NELL1: variants seen among roughly 807,000 people sequenced by gnomAD.
NELL1 encodes the protein neural EGFL like 1.
NELL1 carries 76 observed loss-of-function variants against 107.4 expected under a neutral mutation model. That is an observed-to-expected ratio of 0.71 (90% CI 0.59 to 0.86). NELL1 has a LOEUF of 0.86. Among genes scored for constraint, NELL1 ranks in the 40% least tolerant of loss-of-function variants. The pLI, the probability that NELL1 is intolerant of heterozygous loss-of-function variation, is 0.00. For synonymous variants in NELL1, 353 were observed against 341.2 expected (o/e 1.03, Z -0.38); for missense variants, 1,024 against 1,005.5 (o/e 1.02, Z -0.25).
chr11:20,827,356 A>G (rs975695477), intron 3 of NELL1, among the ~76,000 whole-genome samples: 14 of 151,098 alleles, frequency 9.3e-5, no homozygotes, highest in Admixed American at 6.0e-4. Flanking sequence ...GCTTGGAGGG[A>G]TTTTCAAGGC....
In NELL1 at chr11:20,976,432, T is replaced by C. The variant is rs375881621; in HGVS notation, c.1300+15872T>C. On this transcript the variant is annotated intron_variant, in intron 12 of 19. Coordinates refer to ENST00000357134, the MANE Select transcript of NELL1 (RefSeq NM_006157.5). ...GGGCTTTGTGATTCTCCACTGTCAC[T>C]GAGTATTGAATGCCTCTTGTTGAAA... 3.3e-5 allele frequency among the ~76,000 whole-genome samples: 5 copies of C among 152,312 alleles called. No individual in the cohort carries two copies. The East Asian group carries it at 9.7e-4, about 29-fold the overall frequency.
chr11:20,841,005 T>G (rs979278119), intron 3 of NELL1, among the ~76,000 whole-genome samples: 14 of 152,200 alleles, frequency 9.2e-5, no homozygotes, highest in African/African-American at 3.4e-4. Context: ...CACTTCTTCT[T>G]TTTGCCTTTC....
At chr11:20,908,215 G>A (rs185818125) in intron 5 of NELL1, among the ~76,000 whole-genome samples, 136 of 152,204 alleles carry the variant, frequency 8.9e-4, no homozygotes, top group African/African-American at 3.1e-3. Flanking sequence ...TATAGCCAAA[G>A]GAATATAAGT....
At chr11:21,467,382 T>C (rs1268597101) in intron 15 of NELL1, among the ~76,000 whole-genome samples, 2 of 152,142 alleles carry the variant, frequency 1.3e-5, no homozygotes, top group African/African-American at 4.8e-5. Flanking sequence ...GTGGCTCTAA[T>C]ACAATTATAT....
chr11:21,370,784 T>C, intron 14 of NELL1, 69 bp from the exon 15 acceptor site: 1 of 1,198,232 alleles, frequency 8.3e-7, no homozygotes, highest in Non-Finnish European at 1.2e-6. Flanking sequence ...GCTTCAGTGC[T>C]CCTGCTGTTT....
intron 16 of NELL1, 132 bp from the exon 17 acceptor site, chr11:21,560,057 G>C (rs1232577223): frequency 2.5e-6 from 2 of 806,244 alleles, no homozygotes; most frequent in African/African-American, 3.3e-5. Flanking sequence ...GATAATACAT[G>C]TGAACAGCTT....
chr11:21,404,441 T>C (rs112866289), intron 15 of NELL1, among the ~76,000 whole-genome samples: 1,966 of 151,986 alleles, frequency 0.013, 43 homozygotes, highest in African/African-American at 0.044. Flanking sequence ...TAAGACTGAA[T>C]TTTCTGATTT....
At chr11:21,008,525 G>A (rs1479503975) in intron 12 of NELL1, among the ~76,000 whole-genome samples, 15 of 152,130 alleles carry the variant, frequency 9.9e-5, no homozygotes, top group Non-Finnish European at 1.8e-4. Context: ...TAGAATCATA[G>A]TAGGTGCTGA....
intron 14 of NELL1, among the ~76,000 whole-genome samples, chr11:21,280,346 AAC>A (rs925256127): frequency 6.6e-6 from 1 of 152,190 alleles, no homozygotes; most frequent in Non-Finnish European, 1.5e-5. Context: ...TCTGTGCAAA[AAC>A]ACACTTTCAT....
chr11:20,911,352 AAGTT>A (rs1850127417), intron 5 of NELL1, among the ~76,000 whole-genome samples: 2 of 152,176 alleles, frequency 1.3e-5, no homozygotes, highest in Non-Finnish European at 2.9e-5. Context: ...AAATCCTACT[AAGTT>A]AGTGATTTTT....
chr11:21,167,232 A>G (rs1856504173), intron 13 of NELL1, among the ~76,000 whole-genome samples: 2 of 151,854 alleles, frequency 1.3e-5, no homozygotes, highest in Non-Finnish European at 2.9e-5. Flanking sequence ...TGGTCTGAGA[A>G]TGTCTGTGAG....
chr11:21,403,736 G>T (rs993719900), intron 15 of NELL1, among the ~76,000 whole-genome samples: 1 of 143,142 alleles, frequency 7.0e-6, no homozygotes, highest in African/African-American at 2.6e-5. Context: ...AGTCAAGAAT[G>T]TTATCAGAAA....
At chr11:20,805,494 A>G (rs1451245592) in intron 3 of NELL1, among the ~76,000 whole-genome samples, 1 of 152,026 alleles carries the variant, frequency 6.6e-6, no homozygotes, top group Non-Finnish European at 1.5e-5. Context: ...TTTGCAAATA[A>G]TGTCTTATAA....
Position 21,282,133 on chromosome 11 carries a change from C to T in NELL1, c.1549+52679C>T, listed in dbSNP as rs111300631. On this transcript the variant is annotated intron_variant, in intron 14 of 19. Coordinates refer to ENST00000357134, the MANE Select transcript of NELL1 (RefSeq NM_006157.5). ...ATTAATAACCAGAATATATAAGGAT[C>T]TCAAACAACTCTATAGGAAAAAAAA... is the stretch of plus-strand genomic sequence containing the variant. Among the ~76,000 whole-genome samples the T allele has an allele frequency of 6.3e-3, 954 of 152,006 alleles. 6 individuals are homozygous for T. Among genetic ancestry groups the T allele is most frequent in the Non-Finnish European group, 0.01 (680 of 67,988 alleles).
intron 3 of NELL1, among the ~76,000 whole-genome samples, chr11:20,829,402 T>G (rs947128959): frequency 1.3e-5 from 2 of 151,864 alleles, no homozygotes; most frequent in Non-Finnish European, 2.9e-5. Context: ...AATTTTTGTA[T>G]TTTTTAGTAG....
At chr11:20,843,235 T>C (rs946187654) in intron 3 of NELL1, among the ~76,000 whole-genome samples, 1 of 152,070 alleles carries the variant, frequency 6.6e-6, no homozygotes, top group Non-Finnish European at 1.5e-5. Flanking sequence ...CCCAAATCCA[T>C]TTTGCTTTGA....
intron 3 of NELL1, among the ~76,000 whole-genome samples, chr11:20,804,639 G>A (rs1355189978): frequency 6.6e-6 from 1 of 152,222 alleles, no homozygotes; most frequent in East Asian, 1.9e-4. Context: ...ATCTTGGGAA[G>A]AGAAGATACT....
intron 3 of NELL1, among the ~76,000 whole-genome samples, chr11:20,820,987 C>T (rs1324016666): frequency 6.6e-6 from 1 of 152,192 alleles, no homozygotes; most frequent in African/African-American, 2.4e-5. Context: ...ACTGCTATAT[C>T]CCAAGCACTT....
At chr11:20,918,279 G>A (rs1206551472) in intron 6 of NELL1, 25 bp downstream of exon 6, 1 of 1,311,612 alleles carries the variant, frequency 7.6e-7, no homozygotes, top group Non-Finnish European at 1.1e-6. Context: ...AAAGCATTGT[G>A]ATATATTATA....
Sources: allele counts gnomAD v4.1 joint callset (sites outside exome capture counted in the v4.1 genomes callset), GRCh38; gene constraint gnomAD v4.1.1; transcripts MANE v1.5; gene names NCBI Gene and HGNC (gene_info 2026-07-23, HGNC 2026-07-21).